Variants in SYNE2 observed in about 807,000 individuals in gnomAD.
SYNE2 encodes nesprin-2.
SYNE2 carries 431 observed loss-of-function variants against 856.3 expected under a neutral mutation model. The ratio of observed to expected loss-of-function variants is 0.50; its 90% CI spans 0.47 to 0.55. The LOEUF (loss-of-function observed/expected upper bound fraction) is 0.55, where lower values mean the gene tolerates loss of function less well. Ranked by LOEUF, SYNE2 falls within the 20% of genes least tolerant of loss-of-function variation. SYNE2 has a pLI of 0.00. For synonymous variants in SYNE2, 2,923 were observed against 2,872.3 expected (o/e 1.02, Z -0.56); for missense variants, 8,129 against 8,023.2 (o/e 1.01, Z -0.50).
chr14:64,169,807 A>G (rs2098401868), intron 93 of SYNE2, among the ~76,000 whole-genome samples: 1 of 152,226 alleles, frequency 6.6e-6, no homozygotes, highest in African/African-American at 2.4e-5. Flanking sequence ...AGAACTGTTG[A>G]GTAGCTGCAA....
At chr14:64,095,328 C>T (rs76350902) in intron 61 of SYNE2, among the ~76,000 whole-genome samples, 4,548 of 152,192 alleles carry the variant, frequency 0.03, 232 homozygotes, top group African/African-American at 0.1. Flanking sequence ...AATTGTAAAA[C>T]GGAATCTAAA....
chr14:63,980,960 A>T (rs746593129), intron 15 of SYNE2, 26 bp from the exon 16 acceptor site: 4 of 1,467,380 alleles, frequency 2.7e-6, no homozygotes, highest in South Asian at 2.5e-5. Flanking sequence ...TTCTAAGATT[A>T]CTTTTTTGTT....
chr14:64,032,212 A>G (rs575031609), intron 45 of SYNE2, among the ~76,000 whole-genome samples: 1 of 152,350 alleles, frequency 6.6e-6, no homozygotes, highest in East Asian at 1.9e-4. Context: ...AACAATGTGA[A>G]ATGCCTATGG....
At position 64,020,215 on chromosome 14, in the gene SYNE2, A is replaced by C. The variant is rs74942221; in HGVS notation, c.5151+122A>C. 0.018 allele frequency: 12,765 copies of C among 712,152 alleles called. 1,145 individuals carry two copies. The African/African-American group carries it at 0.21, about 12-fold the overall frequency. 44.1% of individuals were successfully genotyped at this position (712,152 alleles called of 1,614,324 possible). On this transcript the variant is annotated intron_variant, in intron 35 of 115. Transcript: ENST00000555002. ...CTCTAAAAGAAGAAAAAAACGGCCC[A>C]ATTAAAGATTCTCTATAACAGGGGT...
At chr14:64,093,100 G>A (rs1428596320) in intron 60 of SYNE2, among the ~76,000 whole-genome samples, 1 of 152,110 alleles carries the variant, frequency 6.6e-6, no homozygotes, top group Admixed American at 6.6e-5. Flanking sequence ...TAAGAGCAAA[G>A]GTGTGTCCAG....
At chr14:64,126,282 G>T in intron 71 of SYNE2, 45 bp from the exon 72 acceptor site, 1 of 1,563,650 alleles carries the variant, frequency 6.4e-7, no homozygotes. Context: ...GTCTAGGAAG[G>T]CAAAGGTATC....
At chr14:63,986,695 T>C in intron 19 of SYNE2, 78 bp downstream of exon 19, 2 of 1,403,736 alleles carry the variant, frequency 1.4e-6, no homozygotes, top group Non-Finnish European at 2.0e-6. Context: ...AGTTTTAAAG[T>C]AAGTAGTAAT....
intron 70 of SYNE2, among the ~76,000 whole-genome samples, chr14:64,124,678 C>T (rs1336140983): frequency 6.6e-6 from 1 of 152,126 alleles, no homozygotes; most frequent in South Asian, 2.1e-4. Context: ...GCTCAGAAGA[C>T]AGCATGCTAA....
chr14:63,965,349 T>C (rs1334710946), intron 10 of SYNE2, among the ~76,000 whole-genome samples: 1 of 152,186 alleles, frequency 6.6e-6, no homozygotes, highest in Non-Finnish European at 1.5e-5. Context: ...ATTATCCCAG[T>C]TTTACAGATG....
chr14:64,135,042 G>C (rs1053248417), intron 78 of SYNE2, among the ~76,000 whole-genome samples: 29 of 151,978 alleles, frequency 1.9e-4, no homozygotes, highest in African/African-American at 6.3e-4. Flanking sequence ...AACTTTTTGC[G>C]TTGTTATCAT....
intron 1 of SYNE2, among the ~76,000 whole-genome samples, chr14:63,810,716 C>A (rs1023818287): frequency 5.3e-5 from 8 of 152,164 alleles, no homozygotes; most frequent in Non-Finnish European, 1.5e-5. Context: ...TTTAAGGAAG[C>A]CTTTTTCTCT....
chr14:63,780,379 C>A (rs1887264721), intron 1 of SYNE2, among the ~76,000 whole-genome samples: 1 of 152,046 alleles, frequency 6.6e-6, no homozygotes, highest in Middle Eastern at 3.4e-3. Flanking sequence ...ACTAAAAATA[C>A]AAAACTTAGC....
At chr14:63,853,509 C>T (rs1234924547) in intron 1 of SYNE2, among the ~76,000 whole-genome samples, 1 of 151,738 alleles carries the variant, frequency 6.6e-6, no homozygotes, top group East Asian at 1.9e-4. Context: ...GGTGCCCCGG[C>T]CGCCCCCTCC....
At chr14:64,038,309 C>T (rs537685535) in intron 45 of SYNE2, among the ~76,000 whole-genome samples, 118 of 152,112 alleles carry the variant, frequency 7.8e-4, no homozygotes, top group Middle Eastern at 3.4e-3. Flanking sequence ...GCGCTCCTCA[C>T]TTCCTAGATG....
chr14:64,179,303 A>AT (rs2098447958), intron 96 of SYNE2, among the ~76,000 whole-genome samples: 1 of 151,896 alleles, frequency 6.6e-6, no homozygotes, highest in South Asian at 2.1e-4. Flanking sequence ...GGCCTGGCTA[A>AT]TTTTTTTGTA....
chr14:63,771,896 C>CAAAAAAAAAAAAAAAAAA (rs59481661), intron 1 of SYNE2, among the ~76,000 whole-genome samples: 1 of 148,038 alleles, frequency 6.8e-6, no homozygotes, highest in African/African-American at 2.7e-5. Context: ...GACTCTGTCT[C>CAAAAAAAAAAAAAAAAAA]AAAAAGCAAA....
chr14:63,785,973 G>A (rs1464104986), intron 1 of SYNE2, among the ~76,000 whole-genome samples: 1 of 151,992 alleles, frequency 6.6e-6, no homozygotes, highest in South Asian at 2.1e-4. Context: ...CTGGGCAGCC[G>A]GGCGCAGTGG....
chr14:64,080,048 T>TGG, intron 55 of SYNE2, among the ~76,000 whole-genome samples: 1 of 151,876 alleles, frequency 6.6e-6, no homozygotes, highest in East Asian at 1.9e-4. Flanking sequence ...AGAGAGCGTG[T>TGG]GTGTGTGTGT....
At position 64,202,990 on chromosome 14, in the gene SYNE2, C is replaced by T. The variant is rs757785291; in HGVS notation, c.18201+27C>T. On this transcript the variant is annotated intron_variant, in intron 100 of 115. Transcript: ENST00000555002. ...TGGGACAATCAGAAATGAGCTCTTG[C>T]AAGAGTACGGTGTCCGCGATATGCA... is the stretch of plus-strand genomic sequence containing the variant. 2.5e-6 allele frequency: 4 copies of T among 1,613,186 alleles called. No individual in the cohort carries two copies. The Admixed American group carries it at 6.7e-5, about 27-fold the overall frequency.
Sources: allele counts gnomAD v4.1 joint callset (sites outside exome capture counted in the v4.1 genomes callset), GRCh38; gene constraint gnomAD v4.1.1; transcripts MANE v1.5; gene names NCBI Gene and HGNC (gene_info 2026-07-23, HGNC 2026-07-21).